Variants in NAV3 observed in about 807,000 individuals in gnomAD.
NAV3 encodes the protein neuron navigator 3.
NAV3 carries 87 observed loss-of-function variants against 244.7 expected under a neutral mutation model. The observed-to-expected ratio is 0.36, with a 90% CI of 0.30 to 0.42. The LOEUF is 0.42. Among genes scored for constraint, NAV3 ranks in the 20% least tolerant of loss-of-function variants. The pLI is 1.00. For synonymous variants in NAV3, 1,126 were observed against 1,042.2 expected, an observed-to-expected ratio of 1.08 and a Z score of -1.55; for missense variants, 2,663 against 2,893.3, an observed-to-expected ratio of 0.92 and a Z score of 1.83.
intron 25 of NAV3, 108 bp downstream of exon 25, chr12:78,175,535 C>T (rs1958183725): frequency 7.2e-7 from 1 of 1,389,800 alleles, no homozygotes. Context: ...GGGTCCCATT[C>T]AAGCTACTGA....
intron 2 of NAV3, among the ~76,000 whole-genome samples, chr12:77,810,212 C>T (rs950024163): frequency 6.6e-6 from 1 of 152,160 alleles, no homozygotes; most frequent in Non-Finnish European, 1.5e-5. Context: ...CGCTCTGTCC[C>T]CCAGGCTGGA....
intron 2 of NAV3, among the ~76,000 whole-genome samples, chr12:77,739,346 T>C (rs191126057): frequency 5.3e-5 from 8 of 152,326 alleles, no homozygotes; most frequent in Non-Finnish European, 1.2e-4. Flanking sequence ...TTTCTTAAAA[T>C]AAAGGCATTA....
At position 77,580,222 on chromosome 12, in the gene NAV3, ACACAC is replaced by A. The variant is rs1565723066; in HGVS notation, c.72+7957_72+7961del. 4.2e-3 allele frequency among the ~76,000 whole-genome samples: 226 copies of A among 53,764 alleles called. 2 individuals carry two copies. The highest frequency in any genetic ancestry group is 0.014 in the African/African-American group (206 of 14,362). 35.3% of individuals were successfully genotyped at this position (53,764 alleles called of 152,430 possible). A position where few individuals can be genotyped will look rare whatever the true frequency, so the allele number is the denominator to read the frequency against. On this transcript the variant is annotated intron_variant, in intron 2 of 8. Transcript: ENST00000550042. ...CTTTATTTGGGGGTAGGGTGGGAACACACACACACACACACACACACACACACACA... is the reference window on the plus strand; with the variant it reads ...CTTTATTTGGGGGTAGGGTGGGAACAACACACACACACACACACACACACA...
intron 23 of NAV3, among the ~76,000 whole-genome samples, chr12:78,162,351 G>A (rs891365789): frequency 1.3e-5 from 2 of 152,022 alleles, no homozygotes; most frequent in Middle Eastern, 3.4e-3. Flanking sequence ...TATTGAATTT[G>A]TGCTCTTCTA....
intron 2 of NAV3, among the ~76,000 whole-genome samples, chr12:77,805,836 A>G (rs1215194905): frequency 1.3e-5 from 2 of 152,100 alleles, no homozygotes; most frequent in African/African-American, 4.8e-5. Context: ...TACTGCCTCA[A>G]TTTCAGAACT....
chr12:77,695,291 T>G (rs1875243795), intron 2 of NAV3, among the ~76,000 whole-genome samples: 1 of 152,188 alleles, frequency 6.6e-6, no homozygotes. Flanking sequence ...AGGTCTTAGA[T>G]TTAAATCTTT....
chr12:78,010,482 G>GA (rs949967904), intron 8 of NAV3, among the ~76,000 whole-genome samples: 17 of 152,158 alleles, frequency 1.1e-4, no homozygotes, highest in African/African-American at 4.1e-4. Context: ...GAACTCATGA[G>GA]AAAAAATGTC....
At position 78,095,064 on chromosome 12, in the gene NAV3, T is replaced by TATATAC. The variant is rs1272776469; in HGVS notation, c.2637-21707_2637-21706insTATACA. On this transcript the variant is annotated intron_variant, in intron 12 of 39. Coordinates refer to ENST00000397909, the MANE Select transcript of NAV3 (RefSeq NM_001024383.2). ...ATCAAATTATATATATATATATATA[T>TATATAC]ACACACACACACACACACACACACA... Among the ~76,000 whole-genome samples, 780 of 137,546 alleles carry TATATAC rather than the reference T, an allele frequency of 5.7e-3. 4 individuals carry two copies. The highest frequency in any genetic ancestry group is 0.016 in the African/African-American group (595 of 36,568). 90.2% of individuals were successfully genotyped at this position (137,546 alleles called of 152,430 possible).
rs1307370530 is a variant in NAV3 at position 78,181,023 on chromosome 12, C to T, written c.5670C>T (p.Asn1890=). ...TAGGACTTTCTCTAAACAATTTGAA[C>T]ATCACAGAGGCTGTTAGCTCAGGTG... ...QSLGLSLNNL[N]ITEAVSSDIL... is the part of the protein sequence containing the mutation. The change falls in exon 30 of 40, where the codon AAC becomes AAT. Residue 1890 remains asparagine, a synonymous_variant. Coordinates refer to ENST00000397909, the MANE Select transcript of NAV3 (RefSeq NM_001024383.2). 2 of 1,612,850 alleles carry T rather than the reference C, an allele frequency of 1.2e-6. No individual in the cohort carries two copies. The highest frequency in any genetic ancestry group is 1.7e-6 in the Non-Finnish European group (2 of 1,179,254).
intron 1 of NAV3, among the ~76,000 whole-genome samples, chr12:77,840,961 G>T (rs34411739): frequency 1.3e-5 from 2 of 152,066 alleles, no homozygotes; most frequent in Non-Finnish European, 2.9e-5. Flanking sequence ...TTCTTACCAG[G>T]AGCACTGAAT....
intron 7 of NAV3, among the ~76,000 whole-genome samples, chr12:78,003,668 T>A (rs1593250143): frequency 6.6e-6 from 1 of 152,194 alleles, no homozygotes; most frequent in Non-Finnish European, 1.5e-5. Flanking sequence ...CTATAAACTT[T>A]CCATATGCCT....
At chr12:77,956,471 A>G (rs979746266) in intron 3 of NAV3, among the ~76,000 whole-genome samples, 1 of 152,166 alleles carries the variant, frequency 6.6e-6, no homozygotes, top group African/African-American at 2.4e-5. Flanking sequence ...AGAGAAATAA[A>G]TCTTTGAGGT....
At chr12:77,617,176 T>G (rs1871173633) in intron 2 of NAV3, among the ~76,000 whole-genome samples, 1 of 152,164 alleles carries the variant, frequency 6.6e-6, no homozygotes, top group Non-Finnish European at 1.5e-5. Flanking sequence ...ATTTTTAAAT[T>G]TTGGTAAATT....
intron 2 of NAV3, among the ~76,000 whole-genome samples, chr12:77,825,359 AGAACAAAATAAT>A (rs1468760904): frequency 6.6e-6 from 1 of 152,236 alleles, no homozygotes; most frequent in African/African-American, 2.4e-5. Flanking sequence ...AATTGATAAT[AGAACAAAATAAT>A]GTGCTATGTT....
intron 37 of NAV3, 94 bp from the exon 38 acceptor site, chr12:78,200,379 C>A: frequency 5.6e-6 from 4 of 710,530 alleles, no homozygotes; most frequent in Non-Finnish European, 6.3e-6. Flanking sequence ...AGGAATTTTG[C>A]AAGAAATATA....
At chr12:78,026,767 C>T (rs1878125498) in intron 9 of NAV3, among the ~76,000 whole-genome samples, 1 of 152,022 alleles carries the variant, frequency 6.6e-6, no homozygotes, top group African/African-American at 2.4e-5. Flanking sequence ...GTGGCATCAC[C>T]AATGGATGGT....
At chr12:77,839,735 C>A (rs187510077) in intron 1 of NAV3, among the ~76,000 whole-genome samples, 61 of 152,212 alleles carry the variant, frequency 4.0e-4, no homozygotes, top group African/African-American at 1.4e-3. Flanking sequence ...ATAGAGGAAG[C>A]AGTGATTAAT....
chr12:77,923,852 G>A (rs1053968135), intron 1 of NAV3, among the ~76,000 whole-genome samples: 4 of 152,070 alleles, frequency 2.6e-5, no homozygotes, highest in African/African-American at 9.7e-5. Context: ...TATATGCTCA[G>A]AAGATGCTAT....
At chr12:77,721,946 C>T (rs1876655552) in intron 2 of NAV3, among the ~76,000 whole-genome samples, 1 of 152,096 alleles carries the variant, frequency 6.6e-6, no homozygotes, top group Admixed American at 6.6e-5. Flanking sequence ...CAATACTACT[C>T]ATAGTTTTTG....
Sources: allele counts gnomAD v4.1 joint callset (sites outside exome capture counted in the v4.1 genomes callset), GRCh38; gene constraint gnomAD v4.1.1; transcripts MANE v1.5; gene names NCBI Gene and HGNC (gene_info 2026-07-23, HGNC 2026-07-21).